EPRS1: variants seen among roughly 807,000 people sequenced by gnomAD.
The protein encoded by EPRS1 is bifunctional glutamate/proline--tRNA ligase.
A neutral mutation model predicts 188.3 loss-of-function variants in EPRS1; 107 were observed. The observed-to-expected ratio is 0.57, with a 90% CI of 0.49 to 0.67. The LOEUF (loss-of-function observed/expected upper bound fraction) is 0.67. Ranked by LOEUF, EPRS1 falls within the 30% of genes least tolerant of loss-of-function variation. The probability of loss-of-function intolerance (pLI) is 0.00; values close to 1 mark genes in which losing one functional copy is unlikely to be tolerated. For missense variants in EPRS1, 1,577 were observed against 1,802.2 expected (o/e 0.88, Z 2.26); for synonymous variants, 596 against 593.1 (o/e 1.00, Z -0.07).
At chr1:220,017,667 A>G (rs1375702853) in intron 12 of EPRS1, among the ~76,000 whole-genome samples, 1 of 152,188 alleles carries the variant, frequency 6.6e-6, no homozygotes, top group East Asian at 1.9e-4. Flanking sequence ...CAATCACAGA[A>G]ACCATAATTT....
At chr1:220,000,810 G>A (rs1459999321) in intron 17 of EPRS1, among the ~76,000 whole-genome samples, 1 of 152,054 alleles carries the variant, frequency 6.6e-6, no homozygotes, top group Non-Finnish European at 1.5e-5. Flanking sequence ...GCAAAAGCCT[G>A]TCTCTACTAA....
intron 17 of EPRS1, among the ~76,000 whole-genome samples, chr1:219,997,753 A>G (rs1661264838): frequency 6.6e-6 from 1 of 152,204 alleles, no homozygotes; most frequent in Non-Finnish European, 1.5e-5. Context: ...CATCAAGTTG[A>G]TGGGAAAATA....
Position 219,969,099 on chromosome 1 carries a change from C to T in EPRS1, c.4347G>A (p.Gly1449=). ...SGKIVQIPFC[G]EIDCEDWIKK... is the part of the protein sequence containing the mutation. ...TGATCCAGTCCTCACAGTCAATTTC[C>T]CCACAGAATGGAATCTGAACAATCT... The change falls in exon 31 of 32, where the codon GGG becomes GGA. Residue 1449 remains glycine (G), a synonymous_variant. Coordinates refer to ENST00000366923, the MANE Select transcript of EPRS1 (RefSeq NM_004446.3). 2 of 1,611,578 alleles carry T rather than the reference C, an allele frequency of 1.2e-6. No individual in the cohort carries two copies. The highest frequency in any genetic ancestry group is 2.2e-5 in the East Asian group (1 of 44,850).
chr1:220,041,035 T>G (rs559266969), intron 1 of EPRS1, among the ~76,000 whole-genome samples: 1 of 151,732 alleles, frequency 6.6e-6, no homozygotes, highest in East Asian at 2.0e-4. Flanking sequence ...TGGGGTAACC[T>G]GTAGAGTTAG....
chr1:219,992,266 G>A (rs923243743), intron 18 of EPRS1, among the ~76,000 whole-genome samples: 2 of 152,106 alleles, frequency 1.3e-5, no homozygotes, highest in African/African-American at 4.8e-5. Flanking sequence ...TGAATTATTG[G>A]GGACATAAAA....
chr1:220,015,983 A>C (rs1661701681), intron 12 of EPRS1, among the ~76,000 whole-genome samples: 1 of 151,684 alleles, frequency 6.6e-6, no homozygotes, highest in South Asian at 2.1e-4. Flanking sequence ...AATGTCTCCA[A>C]AATGAAACTG....
chr1:220,042,837 CAT>C (rs1662324530), intron 1 of EPRS1, among the ~76,000 whole-genome samples: 2 of 152,072 alleles, frequency 1.3e-5, no homozygotes, highest in African/African-American at 4.8e-5. Flanking sequence ...AGGAGGATCA[CAT>C]GAAACTGGGA....
Position 219,987,352 on chromosome 1 carries a change from T to C in EPRS1, c.2828A>G (p.Lys943Arg). The change falls in exon 20 of 32, where the codon AAG becomes AGG. Residue 943 changes from lysine to arginine, a missense_variant. Physicochemically the swap from Lys to Arg is conservative, Grantham distance 26. This residue lies in a region of EPRS1 where 1,278 missense variants were observed against 1,457.4 expected (regional missense o/e 0.88). Coordinates refer to ENST00000366923, the MANE Select transcript of EPRS1 (RefSeq NM_004446.3). ...CTTATACTCTACTCCTATCAAAGAC[T>C]TGTACTGTGCCTTTAGCTGAAGGAG... ...QELLQLKAQY[K>R]SLIGVEYKPV... 1 of 1,613,638 alleles carries C rather than the reference T, an allele frequency of 6.2e-7. No individual in the cohort carries two copies. The highest frequency in any genetic ancestry group is 8.5e-7 in the Non-Finnish European group (1 of 1,179,740).
At chr1:220,020,598 G>T (rs1205478243) in intron 9 of EPRS1, among the ~76,000 whole-genome samples, 1 of 149,420 alleles carries the variant, frequency 6.7e-6, no homozygotes, top group African/African-American at 2.5e-5. Flanking sequence ...TTTTTGAGAC[G>T]GAGTCTCACT....
intron 20 of EPRS1, among the ~76,000 whole-genome samples, chr1:219,985,814 T>C (rs1478733025): frequency 6.6e-6 from 1 of 152,180 alleles, no homozygotes; most frequent in Non-Finnish European, 1.5e-5. Context: ...TCTTGAAATA[T>C]CAACAATTAT....
intron 4 of EPRS1, among the ~76,000 whole-genome samples, chr1:220,032,764 T>A (rs1455933007): frequency 1.3e-5 from 2 of 152,134 alleles, no homozygotes; most frequent in African/African-American, 4.8e-5. Context: ...AAGCTGGGCA[T>A]GCTGGTTTCT....
chr1:220,021,985 C>G (rs116701085), intron 9 of EPRS1, among the ~76,000 whole-genome samples: 1 of 151,988 alleles, frequency 6.6e-6, no homozygotes, highest in Non-Finnish European at 1.5e-5. Flanking sequence ...GTTTTCAATA[C>G]TATTACTTTT....
At chr1:220,006,378 G>C in intron 14 of EPRS1, 65 bp from the exon 15 acceptor site, 3 of 510,540 alleles carry the variant, frequency 5.9e-6, no homozygotes, top group Non-Finnish European at 9.5e-6. Flanking sequence ...TCATTATTTT[G>C]TTCTATAATA....
intron 30 of EPRS1, among the ~76,000 whole-genome samples, chr1:219,971,778 CAA>C (rs1225375187): frequency 2.6e-5 from 2 of 76,632 alleles, no homozygotes; most frequent in African/African-American, 1.0e-4. Flanking sequence ...CAGTAGAAAA[CAA>C]AGACTATATA....
intron 9 of EPRS1, among the ~76,000 whole-genome samples, chr1:220,020,871 T>TA (rs1661865473): frequency 6.8e-5 from 9 of 132,030 alleles, no homozygotes; most frequent in Non-Finnish European, 1.1e-4. Context: ...TATATATATA[T>TA]TAGTGCATTA....
At position 220,007,454 on chromosome 1, in the gene EPRS1, A is replaced by T. The variant is rs114151558; in HGVS notation, c.1606-116T>A. On this transcript the variant is annotated intron_variant, in intron 13 of 31. Coordinates refer to ENST00000366923, the MANE Select transcript of EPRS1 (RefSeq NM_004446.3). Reference sequence around the variant, plus strand: ...ATACAAAAGTCTTCTGTGTTACTAAACTGTTAGCAGTTCATTGCTGTATTA... The same window carrying T: ...ATACAAAAGTCTTCTGTGTTACTAATCTGTTAGCAGTTCATTGCTGTATTA... 6 of 942,744 alleles carry T rather than the reference A, an allele frequency of 6.4e-6. No individual in the cohort carries two copies. The African/African-American group carries it at 1.0e-4, about 16-fold the overall frequency. 58.4% of individuals were successfully genotyped at this position (942,744 alleles called of 1,614,324 possible). A position where few individuals can be genotyped will look rare whatever the true frequency, so the allele number is the denominator to read the frequency against.
chr1:219,969,210 G>C, intron 30 of EPRS1, 88 bp from the exon 31 acceptor site: 1 of 966,356 alleles, frequency 1.0e-6, no homozygotes, highest in Non-Finnish European at 1.6e-6. Flanking sequence ...TATTAAACTG[G>C]CAAGCAAAAA....
In EPRS1 at chr1:219,982,797, A is replaced by G; in HGVS notation, c.3348T>C (p.Ile1116=). 1.2e-6 allele frequency: 2 copies of G among 1,614,098 alleles called. No individual in the cohort carries two copies. Among genetic ancestry groups the G allele is most frequent in the Non-Finnish European group, 1.7e-6 (2 of 1,179,954 alleles). The part of the protein sequence containing the change: ...RSGKTELAEP[I]AIRPTSETVM... ...CTGTTTCACTAGTAGGACGAATGGC[A>G]ATTGGTTCTGCCAGCTCGGTTTTGC... Residue 1116 remains isoleucine (I), a synonymous_variant, in exon 23 of 32, where the codon ATT becomes ATC. Transcript: ENST00000366923.
At position 220,037,491 on chromosome 1, in the gene EPRS1, C is replaced by A. The variant is rs368039543; in HGVS notation, c.132-2478G>T. Among the ~76,000 whole-genome samples the A allele has an allele frequency of 5.0e-3, 567 of 114,544 alleles. 6 individuals carry two copies. Among genetic ancestry groups the A allele is most frequent in the African/African-American group, 0.018 (530 of 28,946 alleles). 75.1% of individuals were successfully genotyped at this position (114,544 alleles called of 152,430 possible). ...CTGTACTCCAGCCTGGGCAACACAGCAAGACTCCATCTCCAAAAAAAAAAA... is the reference window on the plus strand; with the variant it reads ...CTGTACTCCAGCCTGGGCAACACAGAAAGACTCCATCTCCAAAAAAAAAAA... On this transcript the variant is annotated intron_variant, in intron 2 of 31. Coordinates refer to ENST00000366923, the MANE Select transcript of EPRS1 (RefSeq NM_004446.3).
Sources: allele counts gnomAD v4.1 joint callset (sites outside exome capture counted in the v4.1 genomes callset), GRCh38; gene constraint gnomAD v4.1.1; regional missense constraint gnomAD v4.1.1; transcripts MANE v1.5; gene names NCBI Gene and HGNC (gene_info 2026-07-23, HGNC 2026-07-21).